Variants in CEP55 observed in about 807,000 individuals in gnomAD.
CEP55 encodes centrosomal protein of 55 kDa.
Under a neutral mutation model 63.2 loss-of-function variants are expected in CEP55, and 57 were observed. The observed-to-expected ratio is 0.90, with a 90% CI of 0.73 to 1.13. The LOEUF is 1.13. Among genes scored for constraint, CEP55 ranks in the 50% most tolerant of loss-of-function variants. CEP55 has a pLI of 0.00. For synonymous variants in CEP55, 178 were observed against 191.6 expected (o/e 0.93, Z 0.59); for missense variants, 456 against 518.9 (o/e 0.88, Z 1.18).
chr10:93,525,293 A>G (rs888051371), intron 8 of CEP55, among the ~76,000 whole-genome samples: 1 of 152,186 alleles, frequency 6.6e-6, no homozygotes, highest in African/African-American at 2.4e-5. Flanking sequence ...TTATACACCA[A>G]TAACAGACAG....
intron 2 of CEP55, among the ~76,000 whole-genome samples, chr10:93,501,643 G>A (rs1442724345): frequency 6.6e-6 from 1 of 151,652 alleles, no homozygotes; most frequent in Admixed American, 6.6e-5. Flanking sequence ...CTCCAGCCTG[G>A]GTGACAGAGC....
intron 4 of CEP55, among the ~76,000 whole-genome samples, chr10:93,514,571 A>T (rs1387802938): frequency 6.6e-6 from 1 of 152,200 alleles, no homozygotes; most frequent in Non-Finnish European, 1.5e-5. Flanking sequence ...GGTCTCTGTC[A>T]CCCCATGGGG....
chr10:93,518,943 C>A lies in CEP55; in HGVS notation c.1060C>A (p.Gln354Lys). 6.2e-7 allele frequency: 1 copy of A among 1,612,402 alleles called. No homozygotes were observed. The highest frequency in any genetic ancestry group is 1.1e-5 in the South Asian group (1 of 91,022). The part of the protein sequence containing the change: ...EEQTRVALLE[Q>K]QMQACTLDFE... ...ACAAACAAGGGTAGCTCTGTTGGAA[C>A]AACAGGTACTCATTCGGGTTGCTTC... is the stretch of plus-strand genomic sequence containing the variant. The change falls in exon 7 of 9, where the codon CAA becomes AAA. Residue 354 changes from glutamine (Q) to lysine (K), a missense_variant. Physicochemically the swap from Gln to Lys is moderately conservative, Grantham distance 53. Coordinates refer to ENST00000371485, the MANE Select transcript of CEP55 (RefSeq NM_018131.5).
At chr10:93,525,065 A>G (rs2057906449) in intron 8 of CEP55, among the ~76,000 whole-genome samples, 1 of 151,520 alleles carries the variant, frequency 6.6e-6, no homozygotes, top group African/African-American at 2.4e-5. Flanking sequence ...CTCCTATTCA[A>G]CATAGTGTTG....
chr10:93,518,789 G>T, intron 6 of CEP55, 88 bp from the exon 7 acceptor site: 1 of 842,588 alleles, frequency 1.2e-6, no homozygotes, highest in Non-Finnish European at 1.9e-6. Context: ...TTAGAGATGT[G>T]AGACTTGTGA....
intron 1 of CEP55, among the ~76,000 whole-genome samples, chr10:93,499,724 G>A (rs556218793): frequency 6.6e-6 from 1 of 152,112 alleles, no homozygotes; most frequent in East Asian, 1.9e-4. Context: ...GTTTCACCAT[G>A]TTGGCCAGAC....
chr10:93,522,176 T>C (rs2134496754), intron 8 of CEP55, among the ~76,000 whole-genome samples: 1 of 152,182 alleles, frequency 6.6e-6, no homozygotes, highest in Middle Eastern at 3.4e-3. Context: ...GGCAAAGAAG[T>C]TGAAAACCTT....
intron 2 of CEP55, among the ~76,000 whole-genome samples, chr10:93,502,409 C>A (rs2057644404): frequency 6.6e-6 from 1 of 152,160 alleles, no homozygotes; most frequent in South Asian, 2.1e-4. Flanking sequence ...TATATTTGAA[C>A]AACTGCTGCT....
At chr10:93,509,073 C>G (rs1309785908) in intron 4 of CEP55, among the ~76,000 whole-genome samples, 1 of 151,910 alleles carries the variant, frequency 6.6e-6, no homozygotes. Context: ...AGAAAAGTAC[C>G]TGAAAATAGA....
At chr10:93,513,937 G>GCCC (rs367660156) in intron 4 of CEP55, among the ~76,000 whole-genome samples, 3 of 149,276 alleles carry the variant, frequency 2.0e-5, no homozygotes, top group African/African-American at 7.4e-5. Context: ...CATCTGCAAA[G>GCCC]CCTCCCCCTC....
Position 93,503,156 on chromosome 10 carries a change from A to G in CEP55, c.227A>G (p.Gln76Arg), listed in dbSNP as rs537550172. ...LEAEKEKNAY[Q>R]LTEKDKEIQR... is the part of the protein sequence containing the mutation. ...GCTGAGAAGGAGAAGAATGCTTATC[A>G]ACTCACAGAGAAGGACAAAGAAATA... is the stretch of plus-strand genomic sequence containing the variant. The change falls in exon 3 of 9, where the codon CAA (glutamine) becomes CGA (arginine). Residue 76 changes from glutamine to arginine, a missense_variant. Transcript: ENST00000371485. 22 of 1,614,160 alleles carry G rather than the reference A, an allele frequency of 1.4e-5. No individual in the cohort carries two copies. In the Admixed American group the frequency reaches 3.7e-4, roughly 27 times the overall value.
intron 4 of CEP55, among the ~76,000 whole-genome samples, chr10:93,514,091 G>A (rs926220071): frequency 6.6e-6 from 1 of 151,960 alleles, no homozygotes; most frequent in African/African-American, 2.4e-5. Flanking sequence ...CTGCAGGTAC[G>A]TGCCACCATG....
intron 8 of CEP55, 58 bp from the exon 9 acceptor site, chr10:93,527,892 A>G (rs1488804039): frequency 6.7e-7 from 1 of 1,497,472 alleles, no homozygotes; most frequent in Non-Finnish European, 9.1e-7. Context: ...AAAAGAAAAA[A>G]AAAAAGCTGA....
intron 3 of CEP55, among the ~76,000 whole-genome samples, chr10:93,504,142 T>TTTTGGAGA (rs1240352046): frequency 6.6e-6 from 1 of 152,202 alleles, no homozygotes; most frequent in Non-Finnish European, 1.5e-5. Flanking sequence ...CCTTTGATTC[T>TTTTGGAGA]TTTGGAGATT....
intron 4 of CEP55, among the ~76,000 whole-genome samples, chr10:93,510,159 C>T (rs79969499): frequency 3.5e-3 from 540 of 152,254 alleles, no homozygotes; most frequent in African/African-American, 0.012. Context: ...GAGTTAATGT[C>T]GTAAGCATTG....
chr10:93,513,235 G>A (rs1048047938), intron 4 of CEP55, among the ~76,000 whole-genome samples: 8 of 152,210 alleles, frequency 5.3e-5, no homozygotes, highest in African/African-American at 1.7e-4. Context: ...TGATTTTAGA[G>A]ACTGTTTCTG....
In CEP55 at chr10:93,507,040, A is replaced by C; in HGVS notation, c.512A>C (p.Glu171Ala). Residue 171 changes from glutamate to alanine, a missense_variant, in exon 4 of 9, where the codon GAA (glutamate) becomes GCA (alanine). Glu to Ala is a moderately radical substitution (Grantham distance 107, BLOSUM62 -1). Transcript: ENST00000371485. ...TCAATAAATAATATTCATGAAATGG[A>C]AATACAGCTGAAAGATGTAAGTTCA... ...NSSINNIHEM[E>A]IQLKDALEKN... is the part of the protein sequence containing the mutation. 1 of 1,571,190 alleles carries C rather than the reference A, an allele frequency of 6.4e-7. No homozygotes were observed. The highest frequency in any genetic ancestry group is 8.8e-7 in the Non-Finnish European group (1 of 1,142,034).
chr10:93,527,882 A>T (rs1162630884), intron 8 of CEP55, 68 bp from the exon 9 acceptor site: 1 of 1,369,358 alleles, frequency 7.3e-7, no homozygotes, highest in African/African-American at 1.6e-5. Flanking sequence ...CTGCCTCAAA[A>T]AAAGAAAAAA....
rs554234979 is a variant in CEP55, at chr10:93,512,226, C to CAAAAAAAAAA, written c.529-3174_529-3165dup. 6.7e-5 allele frequency among the ~76,000 whole-genome samples: 8 copies of CAAAAAAAAAA among 120,196 alleles called. No homozygotes were observed. In the East Asian group the frequency reaches 7.7e-4, roughly 12 times the overall value. 78.9% of individuals were successfully genotyped at this position (120,196 alleles called of 152,430 possible). A position where few individuals can be genotyped will look rare whatever the true frequency, so the allele number is the denominator to read the frequency against. ...GGGGCCACAGAGCGAGACTCCGTTT[C>CAAAAAAAAAA]AAAAAAAAAAAAAATTGGCCGGGCT... On this transcript the variant is annotated intron_variant, in intron 4 of 8. Transcript: ENST00000371485.
Sources: gnomAD v4.1 joint callset for allele counts (sites outside exome capture counted in the v4.1 genomes callset) on GRCh38, gnomAD v4.1.1 for gene constraint, MANE v1.5 for transcripts, NCBI Gene and HGNC (gene_info 2026-07-23, HGNC 2026-07-21) for gene names.